The following CNTNAP5 variants were observed in gnomAD, a reference collection of about 807,000 sequenced individuals.
The protein encoded by CNTNAP5 is contactin associated protein family member 5.
In CNTNAP5, 72 loss-of-function variants were observed where a neutral mutation model predicts 150.2. The observed-to-expected ratio is 0.48, with a 90% CI of 0.40 to 0.58. The LOEUF is 0.58. Ranked by LOEUF, CNTNAP5 falls within the 20% of genes least tolerant of loss-of-function variation. CNTNAP5 has a pLI of 0.00. For synonymous variants in CNTNAP5, 672 were observed against 619.8 expected (o/e 1.08, Z -1.25); for missense variants, 1,636 against 1,626.2 (o/e 1.01, Z -0.10).
chr2:124,796,448 C>A (rs1042330867), intron 18 of CNTNAP5, among the ~76,000 whole-genome samples: 1 of 152,124 alleles, frequency 6.6e-6, no homozygotes, highest in African/African-American at 2.4e-5. Flanking sequence ...CTGATGATAA[C>A]CAGAATTCTC....
chr2:124,671,030 C>T (rs1678812839), intron 13 of CNTNAP5, among the ~76,000 whole-genome samples: 1 of 152,138 alleles, frequency 6.6e-6, no homozygotes, highest in African/African-American at 2.4e-5. Context: ...AGAGGAGGTG[C>T]CCAATATACC....
chr2:124,276,992 G>A lies in CNTNAP5; in HGVS notation c.381+34599G>A, dbSNP rs112768673. ...TGGGTGGGACCACCTCCTACCTGAA[G>A]TGGTGCAGATATTAGATGGGGGAGG... is the stretch of plus-strand genomic sequence containing the variant. On this transcript the variant is annotated intron_variant, in intron 3 of 23. Transcript: ENST00000682447. Among the ~76,000 whole-genome samples the A allele has an allele frequency of 7.5e-3, 1,144 of 152,256 alleles. 9 individuals carry two copies. The highest frequency in any genetic ancestry group is 0.01 in the Non-Finnish European group (709 of 68,014).
At chr2:124,200,445 A>T (rs897655713) in intron 1 of CNTNAP5, among the ~76,000 whole-genome samples, 6 of 152,112 alleles carry the variant, frequency 3.9e-5, no homozygotes, top group African/African-American at 1.4e-4. Context: ...TCTTGTTTAG[A>T]CTAACCTCAA....
At chr2:124,130,060 A>G (rs1573776413) in intron 1 of CNTNAP5, among the ~76,000 whole-genome samples, 1 of 152,292 alleles carries the variant, frequency 6.6e-6, no homozygotes, top group African/African-American at 2.4e-5. Context: ...CAAAGCCTCA[A>G]GCTATTGTAA....
chr2:124,556,668 T>C (rs952913946), intron 10 of CNTNAP5, among the ~76,000 whole-genome samples: 2 of 151,912 alleles, frequency 1.3e-5, no homozygotes, highest in Admixed American at 1.3e-4. Context: ...GGGTGATAAG[T>C]GGTGAGAGTC....
chr2:124,173,284 C>T (rs74437955), intron 1 of CNTNAP5, among the ~76,000 whole-genome samples: 2,388 of 152,276 alleles, frequency 0.016, 65 homozygotes, highest in African/African-American at 0.055. Context: ...CCTCTCAGTA[C>T]TCAAGTGAAA....
chr2:124,103,520 T>C (rs114104956), intron 1 of CNTNAP5, among the ~76,000 whole-genome samples: 125 of 152,236 alleles, frequency 8.2e-4, no homozygotes, highest in Admixed American at 1.3e-3. Context: ...TTTTTTATTT[T>C]ATGCTCTATT....
intron 10 of CNTNAP5, among the ~76,000 whole-genome samples, chr2:124,547,292 G>A (rs762108652): frequency 4.6e-5 from 7 of 152,228 alleles, no homozygotes; most frequent in South Asian, 2.1e-4. Flanking sequence ...AAAACAAAAT[G>A]AGGAGTGACC....
At chr2:124,244,506 C>T (rs1202735929) in intron 3 of CNTNAP5, among the ~76,000 whole-genome samples, 2 of 152,066 alleles carry the variant, frequency 1.3e-5, no homozygotes, top group African/African-American at 4.8e-5. Flanking sequence ...AAAGGCAGGG[C>T]CCTCCGTCTA....
chr2:124,546,414 T>C (rs1695511694), intron 10 of CNTNAP5, among the ~76,000 whole-genome samples: 1 of 152,042 alleles, frequency 6.6e-6, no homozygotes. Context: ...TTATAAACTG[T>C]GCAAGGGGGG....
chr2:124,751,322 C>T (rs747062440), intron 14 of CNTNAP5, among the ~76,000 whole-genome samples: 1 of 152,060 alleles, frequency 6.6e-6, no homozygotes, highest in African/African-American at 2.4e-5. Context: ...GTTGCACAGT[C>T]GTCATTTGAG....
At chr2:124,454,218 A>G (rs1386818491) in intron 6 of CNTNAP5, among the ~76,000 whole-genome samples, 1 of 152,208 alleles carries the variant, frequency 6.6e-6, no homozygotes, top group Non-Finnish European at 1.5e-5. Context: ...ACATTCCATG[A>G]AAATGGACAG....
chr2:124,749,450 A>T (rs1261343930), intron 14 of CNTNAP5, among the ~76,000 whole-genome samples: 1 of 146,330 alleles, frequency 6.8e-6, no homozygotes, highest in Non-Finnish European at 1.5e-5. Context: ...CCTTAGACGG[A>T]GTCTTGCTCT....
intron 1 of CNTNAP5, among the ~76,000 whole-genome samples, chr2:124,137,348 C>T (rs1001781201): frequency 5.3e-5 from 8 of 151,046 alleles, no homozygotes; most frequent in Non-Finnish European, 1.2e-4. Context: ...ACTTTATTTG[C>T]ATATAAATGA....
intron 3 of CNTNAP5, among the ~76,000 whole-genome samples, chr2:124,302,011 A>G (rs145596397): frequency 6.6e-6 from 1 of 152,206 alleles, no homozygotes. Context: ...ATGTCTTTGT[A>G]AGAAGAGGAA....
chr2:124,900,235 T>C (rs1437207692), intron 21 of CNTNAP5, among the ~76,000 whole-genome samples: 1 of 151,622 alleles, frequency 6.6e-6, no homozygotes, highest in African/African-American at 2.4e-5. Context: ...TGGTGAATGT[T>C]GAGTATTTTG....
chr2:124,558,432 T>TTCTGTTTGGGTACACAAAGTTTGG, intron 10 of CNTNAP5, among the ~76,000 whole-genome samples: 2 of 152,030 alleles, frequency 1.3e-5, no homozygotes, highest in East Asian at 3.9e-4. Flanking sequence ...GATTGGAAAG[T>TTCTGTTTGGGTACACAAAGTTTGG]AATATCTATT....
At chr2:124,391,907 G>T (rs1691120881) in intron 3 of CNTNAP5, among the ~76,000 whole-genome samples, 1 of 152,104 alleles carries the variant, frequency 6.6e-6, no homozygotes, top group African/African-American at 2.4e-5. Context: ...AGTGAGCCGA[G>T]ATCGCGCCAC....
chr2:124,212,056 C>T (rs1292340438), intron 1 of CNTNAP5, among the ~76,000 whole-genome samples: 2 of 152,174 alleles, frequency 1.3e-5, no homozygotes, highest in Non-Finnish European at 1.5e-5. Flanking sequence ...GATAACTACT[C>T]AATGAACAGA....
Sources: gnomAD v4.1 joint callset for allele counts (sites outside exome capture counted in the v4.1 genomes callset) on GRCh38, gnomAD v4.1.1 for gene constraint, MANE v1.5 for transcripts, NCBI Gene and HGNC (gene_info 2026-07-23, HGNC 2026-07-21) for gene names.